The following TTLL7 variants were observed in gnomAD, a reference collection of about 807,000 sequenced individuals.
TTLL7 encodes tubulin polyglutamylase TTLL7.
TTLL7 carries 53 observed loss-of-function variants against 120.2 expected under a neutral mutation model. The ratio of observed to expected loss-of-function variants is 0.44; its 90% CI spans 0.35 to 0.55. TTLL7 has a LOEUF of 0.55. TTLL7 is among the 20% of genes least tolerant of loss of function. The pLI is 0.00. For synonymous variants in TTLL7, 353 were observed against 351.7 expected (o/e 1.00, Z -0.04); for missense variants, 803 against 1,054.7 (o/e 0.76, Z 3.31).
intron 9 of TTLL7, among the ~76,000 whole-genome samples, chr1:83,929,711 T>A (rs1659431722): frequency 6.6e-6 from 1 of 152,174 alleles, no homozygotes. Flanking sequence ...TCTTCAGGAA[T>A]TCATTAAGAT....
rs182522913 is a variant in TTLL7, at chr1:83,970,877, A to G, written c.-176-18490T>C. On this transcript the variant is annotated intron_variant, in intron 1 of 20. Transcript: ENST00000260505. ...GTGGCAAGAGCTTAATCCCCTAGGAAAGTCTGGGAACCAGTGTAAAACACA... is the reference window on the plus strand; with the variant it reads ...GTGGCAAGAGCTTAATCCCCTAGGAGAGTCTGGGAACCAGTGTAAAACACA... 2.0e-4 allele frequency among the ~76,000 whole-genome samples: 30 copies of G among 152,162 alleles called. No individual in the cohort carries two copies. In the East Asian group the frequency reaches 4.8e-3, roughly 25 times the overall value.
intron 18 of TTLL7, among the ~76,000 whole-genome samples, chr1:83,901,687 A>G (rs1214379269): frequency 6.6e-6 from 1 of 151,956 alleles, no homozygotes. Context: ...CCTCCTCAAC[A>G]GTGTACTCTA....
intron 1 of TTLL7, among the ~76,000 whole-genome samples, chr1:83,956,452 A>G (rs1649526454): frequency 6.9e-6 from 1 of 145,536 alleles, no homozygotes; most frequent in South Asian, 2.2e-4. Flanking sequence ...TTTGACACGA[A>G]GTTTTGCTCT....
chr1:83,947,905 C>T (rs376085743), intron 5 of TTLL7, among the ~76,000 whole-genome samples: 1 of 151,862 alleles, frequency 6.6e-6, no homozygotes, highest in South Asian at 2.1e-4. Context: ...ACTCAACTTT[C>T]TTAAGTTAAG....
chr1:83,947,507 C>T (rs1450818615), intron 5 of TTLL7: 1 of 425,404 alleles, frequency 2.4e-6, no homozygotes, highest in Non-Finnish European at 4.1e-6. Flanking sequence ...CAACCTTGCC[C>T]TAATATGTAC....
chr1:83,951,190 A>G (rs1649008856), intron 3 of TTLL7, among the ~76,000 whole-genome samples: 1 of 152,120 alleles, frequency 6.6e-6, no homozygotes, highest in Non-Finnish European at 1.5e-5. Flanking sequence ...CCTACTAAAA[A>G]TACAAAAAAT....
chr1:83,925,950 G>A (rs112758257), intron 10 of TTLL7, among the ~76,000 whole-genome samples: 54 of 151,928 alleles, frequency 3.6e-4, no homozygotes, highest in Non-Finnish European at 6.6e-4. Flanking sequence ...GCGAAACCCC[G>A]TCTCTACTAA....
At chr1:83,925,215 A>G (rs1360884536) in intron 10 of TTLL7, among the ~76,000 whole-genome samples, 1 of 152,198 alleles carries the variant, frequency 6.6e-6, no homozygotes, top group Non-Finnish European at 1.5e-5. Flanking sequence ...TTTCCAGTTA[A>G]CATTGTCTCA....
chr1:83,970,134 G>C (rs1650844889), intron 1 of TTLL7, among the ~76,000 whole-genome samples: 1 of 151,908 alleles, frequency 6.6e-6, no homozygotes, highest in Non-Finnish European at 1.5e-5. Context: ...CTATAGGATT[G>C]GCTACTTCCA....
At position 83,918,292 on chromosome 1, in the gene TTLL7, G is replaced by A. The variant is rs576150601; in HGVS notation, c.1501-602C>T. On this transcript the variant is annotated intron_variant, in intron 13 of 20. Transcript: ENST00000260505. ...ACAAGTGCCCTAACACCTTTCCTGC[G>A]TTCTACTAGAGTCATATTCTGAATC... Among the ~76,000 whole-genome samples, 42 of 152,170 alleles carry A rather than the reference G, an allele frequency of 2.8e-4. No individual in the cohort carries two copies. In the Middle Eastern group the frequency reaches 0.02, roughly 74 times the overall value.
At chr1:83,995,947 A>C (rs2100661217) in intron 1 of TTLL7, among the ~76,000 whole-genome samples, 1 of 152,342 alleles carries the variant, frequency 6.6e-6, no homozygotes, top group African/African-American at 2.4e-5. Flanking sequence ...GCTATTAGGC[A>C]TTTTAAACCT....
chr1:83,906,446 T>C lies in TTLL7; in HGVS notation c.2010A>G (p.Gln670=). ...CATCTTCTTGTTCTTTTGTTTTCAG[T>C]TGCCGCAAAGACTCACTCTTAAATT... ...TNSQVSESLR[Q]LKTKEQEDDL... Residue 670 remains glutamine, a synonymous_variant, in exon 17 of 21, where the codon CAA becomes CAG. Coordinates refer to ENST00000260505, the MANE Select transcript of TTLL7 (RefSeq NM_024686.6). 1.2e-6 allele frequency: 2 copies of C among 1,612,078 alleles called. No homozygotes were observed. Among genetic ancestry groups the C allele is most frequent in the Non-Finnish European group, 1.7e-6 (2 of 1,178,832 alleles).
rs761012315 is a variant in TTLL7, at chr1:83,906,492, G to A, written c.1993-29C>T. The A allele has an allele frequency of 3.1e-6, 5 of 1,610,480 alleles. No individual in the cohort carries two copies. The Admixed American group carries it at 8.4e-5, about 27-fold the overall frequency. On this transcript the variant is annotated intron_variant, in intron 16 of 20. Transcript: ENST00000260505. ...AAATTTGAAAGAATACAGATATTTG[G>A]AGGGGGTCTTATTTCATTGTGCCAG...
At chr1:83,986,750 G>A (rs1440024449) in intron 1 of TTLL7, among the ~76,000 whole-genome samples, 1 of 152,194 alleles carries the variant, frequency 6.6e-6, no homozygotes, top group Non-Finnish European at 1.5e-5. Flanking sequence ...TGAGACAGCA[G>A]AATTGCTTGA....
chr1:83,900,218 G>A (rs1158791800), intron 18 of TTLL7: 1 of 420,284 alleles, frequency 2.4e-6, no homozygotes, highest in East Asian at 7.6e-5. Context: ...ACTACAGAAA[G>A]AAGCAGCTAG....
intron 1 of TTLL7, among the ~76,000 whole-genome samples, chr1:83,954,266 ACAGAGTTCAAAACAAGAACTTT>A: frequency 6.6e-6 from 1 of 152,280 alleles, no homozygotes; most frequent in South Asian, 2.1e-4. Context: ...GCTGATTTGT[ACAGAGTTCAAAACAAGAACTTT>A]TATCCCTTCC....
chr1:83,976,029 CTCTCTGTGTG>C (rs1651438946), intron 1 of TTLL7, among the ~76,000 whole-genome samples: 3 of 63,080 alleles, frequency 4.8e-5, no homozygotes, highest in Non-Finnish European at 7.3e-5. Context: ...AATTTTGTCT[CTCTCTGTGTG>C]TGTGTGTGTG....
intron 20 of TTLL7, among the ~76,000 whole-genome samples, chr1:83,879,614 C>T (rs1034786321): frequency 2.0e-5 from 3 of 151,988 alleles, no homozygotes; most frequent in Non-Finnish European, 4.4e-5. Flanking sequence ...ACAGCTACAC[C>T]ATGTCCCCTA....
Position 83,933,591 on chromosome 1 carries a change from C to T in TTLL7, c.1047+17G>A, listed in dbSNP as rs1313965691. The T allele has an allele frequency of 4.4e-6, 7 of 1,599,792 alleles. No homozygotes were observed. In the Admixed American group the frequency reaches 5.3e-5, roughly 12 times the overall value. On this transcript the variant is annotated intron_variant, in intron 9 of 20. Coordinates refer to ENST00000260505, the MANE Select transcript of TTLL7 (RefSeq NM_024686.6). ...AGGACAGTGATAACTCTTCTTTTTT[C>T]TTAAAGAATGCCTTACCTCCAGAAG...
Sources: gnomAD v4.1 joint callset for allele counts (sites outside exome capture counted in the v4.1 genomes callset) on GRCh38, gnomAD v4.1.1 for gene constraint, MANE v1.5 for transcripts, NCBI Gene and HGNC (gene_info 2026-07-23, HGNC 2026-07-21) for gene names.